The following OTOGL variants were observed in gnomAD, a reference collection of about 807,000 sequenced individuals.
The protein encoded by OTOGL is otogelin like.
OTOGL carries 285 observed loss-of-function variants against 318.5 expected under a neutral mutation model. That is an observed-to-expected ratio of 0.89 (90% CI 0.81 to 0.99). OTOGL has a LOEUF of 0.99. Ranked by LOEUF, OTOGL falls within the 50% of genes least tolerant of loss-of-function variation. The probability of loss-of-function intolerance (pLI) is 0.00; values close to 1 mark genes in which losing one functional copy is unlikely to be tolerated. For missense variants in OTOGL, 2,899 were observed against 2,845.6 expected, an observed-to-expected ratio of 1.02 and a Z score of -0.43; for synonymous variants, 987 against 936.5, an observed-to-expected ratio of 1.05 and a Z score of -0.99.
intron 8 of OTOGL, among the ~76,000 whole-genome samples, chr12:80,229,973 T>C (rs1405514359): frequency 1.3e-5 from 2 of 151,626 alleles, no homozygotes; most frequent in African/African-American, 4.9e-5. Flanking sequence ...GCAGGGGATG[T>C]TTTCGTATTT....
intron 28 of OTOGL, among the ~76,000 whole-genome samples, chr12:80,304,798 C>A (rs1354465336): frequency 6.6e-6 from 1 of 152,024 alleles, no homozygotes; most frequent in Non-Finnish European, 1.5e-5. Context: ...TGATGATTTT[C>A]TAGAAGCAGT....
intron 56 of OTOGL, 98 bp downstream of exon 56, chr12:80,370,787 A>G (rs1890834686): frequency 1.1e-6 from 1 of 879,070 alleles, no homozygotes; most frequent in Non-Finnish European, 1.6e-6. Context: ...TGGCTTATAC[A>G]TAATGGCGAA....
chr12:80,148,111 G>C (rs540481983), intron 1 of OTOGL, among the ~76,000 whole-genome samples: 111 of 151,706 alleles, frequency 7.3e-4, no homozygotes, highest in Middle Eastern at 3.4e-3. Context: ...GTTAGCTGGT[G>C]ATTTTGCTCG....
chr12:80,256,316 G>C lies in OTOGL; in HGVS notation c.1588-21G>C, dbSNP rs768657593. ...CTCTCTCTCTCCCATTCCTTGCATT[G>C]ATAATTTGATTTTTACGCAGAATCT... is the stretch of plus-strand genomic sequence containing the variant. On this transcript the variant is annotated intron_variant, in intron 16 of 58. Coordinates refer to ENST00000547103, the MANE Select transcript of OTOGL (RefSeq NM_001378609.3). 3.2e-6 allele frequency: 5 copies of C among 1,587,158 alleles called. No individual in the cohort carries two copies. The Admixed American group carries it at 6.7e-5, about 21-fold the overall frequency.
At chr12:80,351,301 T>G (rs34097959) in intron 44 of OTOGL, among the ~76,000 whole-genome samples, 59,464 of 150,422 alleles carry the variant, frequency 0.4, 13,662 homozygotes, top group African/African-American at 0.63. Context: ...TTTTTTTTTT[T>G]TTTTTGTTGT....
At chr12:80,127,536 A>C (rs557205428) in intron 1 of OTOGL, among the ~76,000 whole-genome samples, 12 of 152,204 alleles carry the variant, frequency 7.9e-5, no homozygotes, top group African/African-American at 2.6e-4. Flanking sequence ...GCTCTTCTCG[A>C]GGAGTATCTT....
chr12:80,194,707 A>G (rs1011651866), intron 1 of OTOGL, among the ~76,000 whole-genome samples: 1 of 152,182 alleles, frequency 6.6e-6, no homozygotes, highest in African/African-American at 2.4e-5. Context: ...TAGCACTTAC[A>G]TTTATTTTTT....
At chr12:80,372,087 C>T in intron 57 of OTOGL, 23 bp downstream of exon 57, 1 of 1,482,950 alleles carries the variant, frequency 6.7e-7, no homozygotes, top group Non-Finnish European at 9.1e-7. Flanking sequence ...ATATTCCATG[C>T]ATTTACTTGA....
intron 1 of OTOGL, among the ~76,000 whole-genome samples, chr12:80,180,158 AG>A (rs1417353466): frequency 1.7e-5 from 2 of 117,112 alleles, no homozygotes; most frequent in African/African-American, 5.2e-5. Context: ...GGAGGGTCAT[AG>A]GCTCTGGGCC....
chr12:80,333,579 A>G (rs1234553635), intron 38 of OTOGL, among the ~76,000 whole-genome samples: 1 of 152,086 alleles, frequency 6.6e-6, no homozygotes, highest in African/African-American at 2.4e-5. Flanking sequence ...GCCAGGCACT[A>G]TTCAGATCCT....
At chr12:80,253,714 C>A in intron 14 of OTOGL, 140 bp downstream of exon 14, 2 of 639,274 alleles carry the variant, frequency 3.1e-6, no homozygotes, top group Non-Finnish European at 5.4e-6. Flanking sequence ...TATTTAAACT[C>A]CTTGGGGGAA....
At chr12:80,343,544 T>G (rs986402717) in intron 44 of OTOGL, 3 of 137,062 alleles carry the variant, frequency 2.2e-5, no homozygotes, top group Non-Finnish European at 4.7e-5. Context: ...TTTAACTTTC[T>G]TTTCCTGAAT....
intron 44 of OTOGL, among the ~76,000 whole-genome samples, chr12:80,351,076 T>C (rs1889514371): frequency 6.6e-6 from 1 of 152,198 alleles, no homozygotes; most frequent in Admixed American, 6.5e-5. Context: ...AGTTGATTTT[T>C]TGTATATGAT....
At chr12:80,169,245 G>A (rs1874030531) in intron 1 of OTOGL, among the ~76,000 whole-genome samples, 1 of 151,930 alleles carries the variant, frequency 6.6e-6, no homozygotes, top group African/African-American at 2.4e-5. Flanking sequence ...GATATTTTCA[G>A]CACCTCCTCT....
rs111822078 is a variant in OTOGL, at chr12:80,263,659, C to CT, written c.2015-1334dup. Among the ~76,000 whole-genome samples the CT allele has an allele frequency of 2.3e-3, 347 of 151,726 alleles. 4 individuals carry two copies. Among genetic ancestry groups the CT allele is most frequent in the African/African-American group, 8.0e-3 (331 of 41,392 alleles). ...CATGCATACATATATTTGATATTAACTTTTTTTTAGCTTTGCCATGAACTG... is the reference window on the plus strand; with the variant it reads ...CATGCATACATATATTTGATATTAACTTTTTTTTTAGCTTTGCCATGAACTG... On this transcript the variant is annotated intron_variant, in intron 19 of 58. Transcript: ENST00000547103.
chr12:80,268,157 C>T (rs1027161473), intron 22 of OTOGL, among the ~76,000 whole-genome samples: 1 of 152,046 alleles, frequency 6.6e-6, no homozygotes, highest in Non-Finnish European at 1.5e-5. Flanking sequence ...CATATAATTC[C>T]TAACCTCCCC....
chr12:80,367,372 T>C (rs1171454806), intron 53 of OTOGL, among the ~76,000 whole-genome samples, 189 bp from the exon 54 acceptor site: 1 of 152,100 alleles, frequency 6.6e-6, no homozygotes, highest in Admixed American at 6.6e-5. Flanking sequence ...TTATTTTATG[T>C]TAAGGAATAG....
chr12:80,161,437 C>T (rs2137194135), intron 1 of OTOGL, among the ~76,000 whole-genome samples: 1 of 152,110 alleles, frequency 6.6e-6, no homozygotes, highest in South Asian at 2.1e-4. Flanking sequence ...ACTTAAATGA[C>T]ATTGTGCTAA....
At chr12:80,176,326 C>G (rs1192415176) in intron 1 of OTOGL, among the ~76,000 whole-genome samples, 1 of 152,174 alleles carries the variant, frequency 6.6e-6, no homozygotes, top group African/African-American at 2.4e-5. Context: ...TAAGCCATCA[C>G]CACAACAAAA....
Sources: allele counts gnomAD v4.1 joint callset (sites outside exome capture counted in the v4.1 genomes callset), GRCh38; gene constraint gnomAD v4.1.1; transcripts MANE v1.5; gene names NCBI Gene and HGNC (gene_info 2026-07-23, HGNC 2026-07-21).